NAALADL2: variants seen among roughly 807,000 people sequenced by gnomAD.
The protein encoded by NAALADL2 is N-acetylated alpha-linked acidic dipeptidase like 2.
In NAALADL2, 76 loss-of-function variants were observed where a neutral mutation model predicts 87.2. The ratio of observed to expected loss-of-function variants is 0.87; its 90% confidence interval spans 0.72 to 1.05. NAALADL2 has a LOEUF of 1.05. Ranked by LOEUF, NAALADL2 falls within the 50% of genes least tolerant of loss-of-function variation. The pLI is 0.00. For missense variants in NAALADL2, 1,089 were observed against 945.8 expected (o/e 1.15, Z -1.99); for synonymous variants, 354 against 331.0 (o/e 1.07, Z -0.75).
At chr3:174,623,587 T>C (rs999612999) in intron 2 of NAALADL2, among the ~76,000 whole-genome samples, 1 of 151,698 alleles carries the variant, frequency 6.6e-6, no homozygotes, top group African/African-American at 2.4e-5. Context: ...TTTAAATAAA[T>C]GGTGCGTCTG....
chr3:175,153,302 T>C (rs977199255), intron 2 of NAALADL2, among the ~76,000 whole-genome samples: 3 of 152,264 alleles, frequency 2.0e-5, no homozygotes, highest in South Asian at 4.1e-4. Flanking sequence ...CTATGTCATG[T>C]CAGTGTTGAA....
rs9835380 is a variant in NAALADL2, at chr3:175,109,118, G to A, written c.545+11827G>A. 1.1e-4 allele frequency among the ~76,000 whole-genome samples: 17 copies of A among 151,588 alleles called. No homozygotes were observed. In the East Asian group the frequency reaches 2.3e-3, roughly 21 times the overall value. On this transcript the variant is annotated intron_variant, in intron 2 of 13. Transcript: ENST00000454872. ...ATATTTCAATCAAATAATTAAAATC[G>A]CATACAAACATAAGCAAATTGTCTA...
At chr3:174,534,294 C>CAA in intron 1 of NAALADL2, among the ~76,000 whole-genome samples, 1 of 151,790 alleles carries the variant, frequency 6.6e-6, no homozygotes, top group African/African-American at 2.4e-5. Context: ...ACAATATAAA[C>CAA]AAAAAAAATG....
At chr3:175,227,645 G>A (rs1230238155) in intron 2 of NAALADL2, among the ~76,000 whole-genome samples, 3 of 151,878 alleles carry the variant, frequency 2.0e-5, no homozygotes, top group Admixed American at 6.6e-5. Context: ...AACATTTATT[G>A]TGGGGAAAAA....
At chr3:174,543,757 C>T (rs1722477133) in intron 1 of NAALADL2, among the ~76,000 whole-genome samples, 1 of 152,094 alleles carries the variant, frequency 6.6e-6, no homozygotes, top group African/African-American at 2.4e-5. Flanking sequence ...CCTGTAATCC[C>T]AGCACTTTGG....
At chr3:175,046,312 T>G (rs926814703) in intron 1 of NAALADL2, among the ~76,000 whole-genome samples, 1 of 152,172 alleles carries the variant, frequency 6.6e-6, no homozygotes, top group Non-Finnish European at 1.5e-5. Context: ...GATGCAATGC[T>G]GTTGGTCTTT....
rs1476856568 is a variant in NAALADL2 at position 175,256,430 on chromosome 3, G to A, written c.839G>A (p.Ser280Asn). 1.2e-6 allele frequency: 2 copies of A among 1,610,874 alleles called. No individual in the cohort carries two copies. The highest frequency in any genetic ancestry group is 1.7e-5 in the Admixed American group (1 of 59,582). ...TTTCAGGCTGAAGTCATCGATGTGA[G>A]TTATGGAATGGCAGATGATTTAAAA... ...GTLKAEVIDV[S>N]YGMADDLKRI... The change falls in exon 4 of 14, where the codon AGT (serine) becomes AAT (asparagine). Residue 280 changes from serine (S) to asparagine (N), a missense_variant. Ser to Asn is a conservative substitution (Grantham distance 46, BLOSUM62 1). Coordinates refer to ENST00000454872, the MANE Select transcript of NAALADL2 (RefSeq NM_207015.3).
At chr3:174,962,293 T>A (rs753534350) in intron 1 of NAALADL2, among the ~76,000 whole-genome samples, 13 of 146,214 alleles carry the variant, frequency 8.9e-5, no homozygotes, top group Non-Finnish European at 1.2e-4. Flanking sequence ...TCCTACATTG[T>A]ATTTAAGTCA....
chr3:174,454,596 C>T (rs4298046), intron 1 of NAALADL2, among the ~76,000 whole-genome samples: 23,406 of 151,998 alleles, frequency 0.15, 3,065 homozygotes, highest in East Asian at 0.47. Flanking sequence ...TGCTCAAAAC[C>T]GTACTATTAC....
At chr3:174,992,371 C>G (rs1746859008) in intron 1 of NAALADL2, among the ~76,000 whole-genome samples, 1 of 152,048 alleles carries the variant, frequency 6.6e-6, no homozygotes, top group South Asian at 2.1e-4. Flanking sequence ...ATGAATCTCT[C>G]AGGAACGTTT....
intron 1 of NAALADL2, among the ~76,000 whole-genome samples, chr3:174,948,330 C>T (rs1209787600): frequency 2.6e-5 from 4 of 152,116 alleles, no homozygotes; most frequent in African/African-American, 9.7e-5. Flanking sequence ...GCGTGTGCCA[C>T]CAAACCCGGC....
intron 4 of NAALADL2, among the ~76,000 whole-genome samples, chr3:175,308,562 G>C (rs1757981364): frequency 2.0e-5 from 3 of 152,166 alleles, no homozygotes; most frequent in Non-Finnish European, 4.4e-5. Flanking sequence ...AACAGTGAAT[G>C]TCTTGTTCAA....
chr3:175,557,613 A>T (rs1273576030), intron 9 of NAALADL2, among the ~76,000 whole-genome samples: 1 of 151,882 alleles, frequency 6.6e-6, no homozygotes, highest in African/African-American at 2.4e-5. Flanking sequence ...GAGTTCAATT[A>T]TTTTAATTTT....
chr3:174,882,209 T>G (rs921086830), intron 1 of NAALADL2, among the ~76,000 whole-genome samples: 1 of 152,140 alleles, frequency 6.6e-6, no homozygotes, highest in African/African-American at 2.4e-5. Context: ...TCTTTGTATC[T>G]CTGTGGCAGT....
intron 3 of NAALADL2, among the ~76,000 whole-genome samples, chr3:174,769,498 A>G (rs1486035826): frequency 2.6e-5 from 4 of 151,858 alleles, no homozygotes; most frequent in African/African-American, 9.7e-5. Flanking sequence ...CCTTACTATT[A>G]CAAATATTTT....
intron 13 of NAALADL2, among the ~76,000 whole-genome samples, chr3:175,780,399 T>C (rs1030587195): frequency 2.0e-5 from 3 of 152,168 alleles, no homozygotes; most frequent in East Asian, 1.9e-4. Context: ...GTATCACATA[T>C]GCAAATTTGC....
intron 2 of NAALADL2, among the ~76,000 whole-genome samples, chr3:175,118,726 T>G (rs1329018119): frequency 1.3e-5 from 2 of 151,772 alleles, no homozygotes. Context: ...CAGAATAGAT[T>G]ATAGTTCTGC....
intron 2 of NAALADL2, among the ~76,000 whole-genome samples, chr3:175,153,369 C>A (rs1055963080): frequency 1.3e-5 from 2 of 152,094 alleles, no homozygotes; most frequent in East Asian, 1.9e-4. Context: ...CCTACCTTAC[C>A]CACAAGCAGT....
At chr3:175,002,363 C>G (rs1748368876) in intron 1 of NAALADL2, among the ~76,000 whole-genome samples, 1 of 151,978 alleles carries the variant, frequency 6.6e-6, no homozygotes, top group Non-Finnish European at 1.5e-5. Context: ...TATATATGAC[C>G]TAAAAAGCAA....
Sources: allele counts gnomAD v4.1 joint callset (sites outside exome capture counted in the v4.1 genomes callset), GRCh38; gene constraint gnomAD v4.1.1; transcripts MANE v1.5; gene names NCBI Gene and HGNC (gene_info 2026-07-23, HGNC 2026-07-21).